The following SHISA9 variants were observed in gnomAD, a reference collection of about 807,000 sequenced individuals.
The protein encoded by SHISA9 is protein shisa-9.
SHISA9 carries 13 observed loss-of-function variants against 38.0 expected under a neutral mutation model. The observed-to-expected ratio is 0.34, with a 90% CI of 0.22 to 0.54. The LOEUF (loss-of-function observed/expected upper bound fraction) is 0.54, where lower values mean the gene tolerates loss of function less well. Ranked by LOEUF, SHISA9 falls within the 20% of genes least tolerant of loss-of-function variation. The pLI, the probability that SHISA9 is intolerant of heterozygous loss-of-function variation, is 0.91. For missense variants in SHISA9, 538 were observed against 575.8 expected (o/e 0.93, Z 0.67); for synonymous variants, 275 against 242.0 (o/e 1.14, Z -1.27).
At chr16:13,115,109 T>A (rs763090056) in intron 2 of SHISA9, among the ~76,000 whole-genome samples, 15 of 152,216 alleles carry the variant, frequency 9.9e-5, no homozygotes, top group African/African-American at 1.7e-4. Flanking sequence ...TTTATATATG[T>A]CCTATTTCAT....
the SHISA9 span, among the ~76,000 whole-genome samples, chr16:13,329,765 C>A: frequency 6.6e-6 from 1 of 152,148 alleles, no homozygotes; most frequent in African/African-American, 2.4e-5. Flanking sequence ...AACCTGCAGA[C>A]CTTGAGCTAA....
At chr16:13,419,840 C>T in the SHISA9 span, among the ~76,000 whole-genome samples, 6 of 152,132 alleles carry the variant, frequency 3.9e-5, no homozygotes, top group South Asian at 1.0e-3. Flanking sequence ...CTGGATTTGG[C>T]CCATGAACCA....
chr16:13,029,774 G>A (rs1406733786), intron 2 of SHISA9, among the ~76,000 whole-genome samples: 1 of 152,126 alleles, frequency 6.6e-6, no homozygotes, highest in African/African-American at 2.4e-5. Flanking sequence ...CTCTCTTGTC[G>A]ACCTCTCACC....
chr16:13,551,431 G>T, the SHISA9 span, among the ~76,000 whole-genome samples: 3 of 152,156 alleles, frequency 2.0e-5, no homozygotes, highest in African/African-American at 7.2e-5. Context: ...GTACATGAAT[G>T]GGTTTGCCTA....
chr16:13,185,727 C>T (rs1164842719), intron 2 of SHISA9, among the ~76,000 whole-genome samples: 1 of 152,200 alleles, frequency 6.6e-6, no homozygotes, highest in Middle Eastern at 3.4e-3. Context: ...CCTCAGTACC[C>T]AGAATGATGC....
intron 4 of SHISA9, among the ~76,000 whole-genome samples, chr16:13,224,706 A>C (rs1259298145): frequency 6.6e-6 from 1 of 152,222 alleles, no homozygotes; most frequent in Non-Finnish European, 1.5e-5. Context: ...TTTATATAGT[A>C]ATATGAGCTA....
chr16:13,528,441 T>C, the SHISA9 span, among the ~76,000 whole-genome samples: 1 of 152,022 alleles, frequency 6.6e-6, no homozygotes, highest in African/African-American at 2.4e-5. Context: ...AAAAGTCCAC[T>C]GGAGCATGTA....
chr16:13,134,980 T>C (rs1490865947), intron 2 of SHISA9, among the ~76,000 whole-genome samples: 2 of 152,156 alleles, frequency 1.3e-5, no homozygotes, highest in African/African-American at 2.4e-5. Flanking sequence ...ACATTTCACA[T>C]TCACTCAGAT....
At chr16:13,533,201 A>G in the SHISA9 span, among the ~76,000 whole-genome samples, 10 of 151,976 alleles carry the variant, frequency 6.6e-5, no homozygotes, top group African/African-American at 2.4e-4. Flanking sequence ...TCTTCCCCAC[A>G]CAGTTTAGAT....
chr16:13,248,769 G>A, the SHISA9 span, among the ~76,000 whole-genome samples: 29 of 152,260 alleles, frequency 1.9e-4, no homozygotes, highest in East Asian at 5.6e-3. Context: ...TCCCCAGAAA[G>A]CGATCCTGAG....
intron 2 of SHISA9, among the ~76,000 whole-genome samples, chr16:13,013,951 G>A (rs962387926): frequency 1.3e-5 from 2 of 152,020 alleles, no homozygotes; most frequent in East Asian, 1.9e-4. Flanking sequence ...GGATGGTCTC[G>A]ATCTCCTGAC....
At chr16:12,964,663 A>G (rs1246208390) in intron 2 of SHISA9, among the ~76,000 whole-genome samples, 2 of 152,176 alleles carry the variant, frequency 1.3e-5, no homozygotes, top group African/African-American at 4.8e-5. Context: ...GAAAGAATTC[A>G]CCAGATTGCC....
the SHISA9 span, among the ~76,000 whole-genome samples, chr16:13,317,252 A>G: frequency 6.6e-6 from 1 of 152,212 alleles, no homozygotes; most frequent in Non-Finnish European, 1.5e-5. Flanking sequence ...GAAGTCTTCA[A>G]ACCTCTCCTT....
At chr16:13,426,275 C>T in the SHISA9 span, among the ~76,000 whole-genome samples, 12 of 152,116 alleles carry the variant, frequency 7.9e-5, no homozygotes, top group African/African-American at 1.4e-4. Context: ...TTTATGAGAT[C>T]GGCCCCATTC....
At chr16:13,157,176 C>G (rs767889592) in intron 2 of SHISA9, among the ~76,000 whole-genome samples, 1 of 152,166 alleles carries the variant, frequency 6.6e-6, no homozygotes, top group Non-Finnish European at 1.5e-5. Flanking sequence ...ATCCATCCAT[C>G]CATCCATCCC....
At chr16:13,195,958 T>G (rs1382856081) in intron 2 of SHISA9, among the ~76,000 whole-genome samples, 1 of 151,180 alleles carries the variant, frequency 6.6e-6, no homozygotes, top group Non-Finnish European at 1.5e-5. Flanking sequence ...TGTGGTGGTG[T>G]GTGCCTGTGG....
intron 2 of SHISA9, among the ~76,000 whole-genome samples, chr16:13,064,621 A>T (rs2073412951): frequency 1.3e-5 from 2 of 152,190 alleles, no homozygotes; most frequent in Admixed American, 1.3e-4. Context: ...TACCACTAGT[A>T]GCCAATAACG....
In SHISA9 at chr16:13,236,340, TAAC is replaced by T. The variant is rs895512374; in HGVS notation, c.*940_*942del. ...AAAAATCTTGAAGACTTGTTGACAT[TAAC>T]AACAACAAATCCACAGTTGGAAAAG... On this transcript the variant is annotated 3_prime_UTR_variant, in exon 5 of 5. Coordinates refer to ENST00000558583, the MANE Select transcript of SHISA9 (RefSeq NM_001145204.3). 1.3e-5 allele frequency: 2 copies of T among 151,186 alleles called. No homozygotes were observed. The highest frequency in any genetic ancestry group is 4.9e-5 in the African/African-American group (2 of 41,120). 9.4% of individuals were successfully genotyped at this position (151,186 alleles called of 1,614,324 possible). A position where few individuals can be genotyped will look rare whatever the true frequency, so the allele number is the denominator to read the frequency against.
chr16:13,143,081 A>G (rs1367853584), intron 2 of SHISA9, among the ~76,000 whole-genome samples: 1 of 151,010 alleles, frequency 6.6e-6, no homozygotes, highest in Non-Finnish European at 1.5e-5. Context: ...ATCTCGACTC[A>G]CTGCAACCTC....
Sources: allele counts gnomAD v4.1 joint callset (sites outside exome capture counted in the v4.1 genomes callset), GRCh38; gene constraint gnomAD v4.1.1; transcripts MANE v1.5; gene names NCBI Gene and HGNC (gene_info 2026-07-23, HGNC 2026-07-21).